RNGTT: variants seen among roughly 807,000 people sequenced by gnomAD.
RNGTT encodes the protein mRNA-capping enzyme.
RNGTT carries 33 observed loss-of-function variants against 79.3 expected under a neutral mutation model. That is an observed-to-expected ratio of 0.42 (90% confidence interval 0.32 to 0.56). The LOEUF (loss-of-function observed/expected upper bound fraction) is 0.56, where lower values mean the gene tolerates loss of function less well. Ranked by LOEUF, RNGTT falls within the 20% of genes least tolerant of loss-of-function variation. The pLI is 0.17. For synonymous variants in RNGTT, 222 were observed against 235.9 expected, an observed-to-expected ratio of 0.94 and a Z score of 0.54; for missense variants, 497 against 739.1, an observed-to-expected ratio of 0.67 and a Z score of 3.80.
intron 13 of RNGTT, among the ~76,000 whole-genome samples, chr6:88,749,375 C>T (rs892612282): frequency 5.3e-5 from 8 of 151,550 alleles, no homozygotes; most frequent in Non-Finnish European, 8.8e-5. Flanking sequence ...TAAATGTTAA[C>T]TTTAGATTTA....
intron 14 of RNGTT, among the ~76,000 whole-genome samples, chr6:88,620,257 A>G (rs889126886): frequency 6.6e-6 from 1 of 152,236 alleles, no homozygotes; most frequent in African/African-American, 2.4e-5. Context: ...TTACTTAGGA[A>G]AGAAGCAGCT....
intron 13 of RNGTT, among the ~76,000 whole-genome samples, chr6:88,713,245 G>T (rs929376449): frequency 1.3e-5 from 2 of 151,926 alleles, no homozygotes; most frequent in South Asian, 4.2e-4. Context: ...CCATGTGAGG[G>T]TACAACAAGA....
At chr6:88,937,273 G>A (rs896534224) in intron 2 of RNGTT, among the ~76,000 whole-genome samples, 1 of 151,960 alleles carries the variant, frequency 6.6e-6, no homozygotes, top group East Asian at 1.9e-4. Flanking sequence ...TTGAACCTGG[G>A]AGTGGAGGTC....
chr6:88,959,890 A>C (rs1176747342), intron 1 of RNGTT, among the ~76,000 whole-genome samples: 2 of 152,326 alleles, frequency 1.3e-5, no homozygotes, highest in Non-Finnish European at 2.9e-5. Flanking sequence ...GAACAAAGAC[A>C]CTTTTTCAGT....
At chr6:88,631,421 T>C (rs892092674) in intron 14 of RNGTT, among the ~76,000 whole-genome samples, 6 of 152,240 alleles carry the variant, frequency 3.9e-5, no homozygotes, top group African/African-American at 1.2e-4. Context: ...TGTTCCCTAC[T>C]GCATGCAGTG....
intron 2 of RNGTT, among the ~76,000 whole-genome samples, chr6:88,933,961 A>G (rs1352383182): frequency 6.6e-6 from 1 of 152,198 alleles, no homozygotes; most frequent in Non-Finnish European, 1.5e-5. Flanking sequence ...TCCAACCAAC[A>G]GCATATGAGT....
chr6:88,840,730 A>G (rs1450466099), intron 11 of RNGTT, among the ~76,000 whole-genome samples: 1 of 152,192 alleles, frequency 6.6e-6, no homozygotes, highest in East Asian at 1.9e-4. Flanking sequence ...ATATCCTATG[A>G]TTTTAAGGAA....
chr6:88,672,246 C>T (rs1318961584), intron 14 of RNGTT, among the ~76,000 whole-genome samples: 6 of 143,574 alleles, frequency 4.2e-5, no homozygotes, highest in East Asian at 3.9e-4. Context: ...TATACACACA[C>T]ACACATATAT....
intron 14 of RNGTT, among the ~76,000 whole-genome samples, chr6:88,638,286 G>C (rs1418457332): frequency 6.6e-6 from 1 of 152,126 alleles, no homozygotes; most frequent in Non-Finnish European, 1.5e-5. Flanking sequence ...TGTATTTATA[G>C]CAAGCTAATT....
At chr6:88,786,705 A>G (rs1355387984) in intron 12 of RNGTT, among the ~76,000 whole-genome samples, 1 of 152,228 alleles carries the variant, frequency 6.6e-6, no homozygotes, top group African/African-American at 2.4e-5. Flanking sequence ...GAAAATACCA[A>G]AGTTTTTCTC....
chr6:88,807,158 C>T (rs553626795), intron 11 of RNGTT, among the ~76,000 whole-genome samples: 50 of 152,194 alleles, frequency 3.3e-4, no homozygotes, highest in South Asian at 6.2e-4. Context: ...ACCTGGGTGA[C>T]GGCATGATCT....
chr6:88,652,169 A>T (rs985716947), intron 14 of RNGTT, among the ~76,000 whole-genome samples: 1 of 152,180 alleles, frequency 6.6e-6, no homozygotes, highest in Non-Finnish European at 1.5e-5. Context: ...CACTGTAAAA[A>T]TAATTTAAAT....
At chr6:88,777,480 G>C (rs185478182) in intron 12 of RNGTT, among the ~76,000 whole-genome samples, 1 of 152,076 alleles carries the variant, frequency 6.6e-6, no homozygotes, top group Non-Finnish European at 1.5e-5. Context: ...CATTAACATG[G>C]AATATCTTTC....
chr6:88,617,864 AATT>A (rs1431223289), intron 14 of RNGTT, among the ~76,000 whole-genome samples: 1 of 136,476 alleles, frequency 7.3e-6, no homozygotes, highest in African/African-American at 3.3e-5. Context: ...AACACTGCTT[AATT>A]AAAAAAAAAA....
chr6:88,654,792 C>T (rs1173654218), intron 14 of RNGTT, among the ~76,000 whole-genome samples: 3 of 152,272 alleles, frequency 2.0e-5, no homozygotes, highest in South Asian at 2.1e-4. Flanking sequence ...AACTGTGAGT[C>T]GTGACCCATT....
At chr6:88,647,554 C>G (rs1182405649) in intron 14 of RNGTT, among the ~76,000 whole-genome samples, 1 of 151,546 alleles carries the variant, frequency 6.6e-6, no homozygotes, top group Admixed American at 6.6e-5. Flanking sequence ...GGTCCTGTCT[C>G]TATAAAAATT....
chr6:88,899,888 C>A (rs1345423493), intron 6 of RNGTT, among the ~76,000 whole-genome samples: 2 of 152,042 alleles, frequency 1.3e-5, no homozygotes, highest in East Asian at 3.9e-4. Context: ...ATTTAATTCC[C>A]CACACTTTCA....
intron 8 of RNGTT, among the ~76,000 whole-genome samples, chr6:88,876,353 A>T (rs965511262): frequency 1.3e-5 from 2 of 152,004 alleles, no homozygotes; most frequent in Non-Finnish European, 2.9e-5. Flanking sequence ...ACACGGGGAA[A>T]CCCTATCTCA....
chr6:88,772,270 T>C (rs900791700), intron 12 of RNGTT, among the ~76,000 whole-genome samples: 25 of 152,002 alleles, frequency 1.6e-4, no homozygotes, highest in Admixed American at 1.6e-3. Context: ...GAACACTGAT[T>C]TCTTTAAAAA....
Sources: gnomAD v4.1 joint callset for allele counts (sites outside exome capture counted in the v4.1 genomes callset) on GRCh38, gnomAD v4.1.1 for gene constraint, MANE v1.5 for transcripts, NCBI Gene and HGNC (gene_info 2026-07-23, HGNC 2026-07-21) for gene names.